The following PPFIBP1 variants were observed in gnomAD, a reference collection of about 807,000 sequenced individuals.
The protein encoded by PPFIBP1 is PPFIB scaffold protein 1.
PPFIBP1 carries 112 observed loss-of-function variants against 137.8 expected under a neutral mutation model. The ratio of observed to expected loss-of-function variants is 0.81; its 90% CI spans 0.70 to 0.95. The LOEUF is 0.95. Among genes scored for constraint, PPFIBP1 ranks in the 40% least tolerant of loss-of-function variants. The pLI, the probability that PPFIBP1 is intolerant of heterozygous loss-of-function variation, is 0.00. For synonymous variants in PPFIBP1, 378 were observed against 417.3 expected, an observed-to-expected ratio of 0.91 and a Z score of 1.15; for missense variants, 1,083 against 1,196.6, an observed-to-expected ratio of 0.91 and a Z score of 1.40.
chr12:27,534,467 A>G (rs1192769186), intron 1 of PPFIBP1, among the ~76,000 whole-genome samples: 1 of 152,242 alleles, frequency 6.6e-6, no homozygotes, highest in Non-Finnish European at 1.5e-5. Flanking sequence ...AAAGAATGAC[A>G]GAAGTCTCTC....
At chr12:27,640,428 G>A (rs180906494) in intron 4 of PPFIBP1, among the ~76,000 whole-genome samples, 13 of 152,302 alleles carry the variant, frequency 8.5e-5, no homozygotes, top group African/African-American at 3.1e-4. Flanking sequence ...AGTGAATCAC[G>A]ATATTGAATG....
intron 2 of PPFIBP1, among the ~76,000 whole-genome samples, chr12:27,620,939 G>A (rs1408241490): frequency 1.6e-4 from 24 of 152,260 alleles, no homozygotes; most frequent in Admixed American, 1.5e-3. Context: ...CGCCATCAGA[G>A]CAACAACTTT....
intron 2 of PPFIBP1, among the ~76,000 whole-genome samples, chr12:27,602,715 A>G (rs1288858563): frequency 6.6e-6 from 1 of 152,234 alleles, no homozygotes; most frequent in Non-Finnish European, 1.5e-5. Flanking sequence ...TTCTGTTTAC[A>G]TGAGCTTTTG....
In PPFIBP1 at chr12:27,664,384, G is replaced by C. The variant is rs370141265; in HGVS notation, c.929G>C (p.Arg310Pro). Residue 310 changes from arginine (R) to proline (P), a missense_variant, in exon 12 of 30, where the codon CGA becomes CCA. Arg to Pro is a moderately radical substitution (Grantham distance 103, BLOSUM62 -2). Coordinates refer to ENST00000228425, the MANE Select transcript of PPFIBP1 (RefSeq NM_003622.4). Reference sequence around the variant, plus strand: ...TAGGATCGGAAAATAGAAGATCTTCGACAGTGCCTGAACAGGTACAAGAAA... The same window carrying C: ...TAGGATCGGAAAATAGAAGATCTTCCACAGTGCCTGAACAGGTACAAGAAA... The part of the protein sequence containing the change: ...EEKDRKIEDL[R>P]QCLNRYKKMQ... The C allele has an allele frequency of 1.2e-6, 2 of 1,611,496 alleles. No individual in the cohort carries two copies. The highest frequency in any genetic ancestry group is 1.7e-5 in the Admixed American group (1 of 59,958).
rs764513546 is a variant in PPFIBP1 at position 27,646,080 on chromosome 12, G to C, written c.289G>C (p.Gly97Arg). ...QSQMTNGHLP[G>R]NGDVYQERLA... is the part of the protein sequence containing the mutation. ...TTTTCAGACAAATGGACACCTACCAGGGAACGGAGATGTGTATCAAGAAAG... is the reference window on the plus strand; with the variant it reads ...TTTTCAGACAAATGGACACCTACCACGGAACGGAGATGTGTATCAAGAAAG... The change falls in exon 5 of 30, where the codon GGG becomes CGG. Residue 97 changes from glycine (G) to arginine (R), a missense_variant. Physicochemically the swap from Gly to Arg is moderately radical, Grantham distance 125. Coordinates refer to ENST00000228425, the MANE Select transcript of PPFIBP1 (RefSeq NM_003622.4). 1.7e-5 allele frequency: 27 copies of C among 1,609,614 alleles called. No individual in the cohort carries two copies. The highest frequency in any genetic ancestry group is 2.3e-5 in the Non-Finnish European group (27 of 1,176,882).
At chr12:27,585,760 G>T (rs980180482) in intron 2 of PPFIBP1, among the ~76,000 whole-genome samples, 2 of 152,152 alleles carry the variant, frequency 1.3e-5, no homozygotes, top group Admixed American at 1.3e-4. Flanking sequence ...ATATAACCTG[G>T]GTCTTGAATG....
intron 1 of PPFIBP1, among the ~76,000 whole-genome samples, chr12:27,569,274 A>G (rs1054481694): frequency 1.3e-5 from 2 of 151,616 alleles, no homozygotes; most frequent in African/African-American, 4.8e-5. Flanking sequence ...CAGTATGTAT[A>G]TTTATTATAA....
At chr12:27,527,279 C>T (rs1054864793) in intron 1 of PPFIBP1, among the ~76,000 whole-genome samples, 4 of 151,522 alleles carry the variant, frequency 2.6e-5, no homozygotes, top group Admixed American at 6.6e-5. Context: ...GACAGGGTCT[C>T]GCTCTGCCGC....
At chr12:27,665,677 C>A (rs748900645) in intron 12 of PPFIBP1, among the ~76,000 whole-genome samples, 2 of 152,132 alleles carry the variant, frequency 1.3e-5, no homozygotes, top group Non-Finnish European at 2.9e-5. Context: ...GTTATTTGCT[C>A]GCAACGTAAG....
Position 27,650,036 on chromosome 12 carries a change from A to C in PPFIBP1, c.498A>C (p.Glu166Asp). The change falls in exon 7 of 30, where the codon GAA becomes GAC. Residue 166 changes from glutamate (E) to aspartate (D), a missense_variant. Glu to Asp is a conservative substitution (Grantham distance 45). Transcript: ENST00000228425. ...AGCTTCTAAGTAGGACATCCTTAGAAACTCAGAAGTTGGATCTGATGGCTG... is the reference window on the plus strand; with the variant it reads ...AGCTTCTAAGTAGGACATCCTTAGACACTCAGAAGTTGGATCTGATGGCTG... The part of the protein sequence containing the change: ...QQELLSRTSL[E>D]TQKLDLMAEI... 1 of 1,603,616 alleles carries C rather than the reference A, an allele frequency of 6.2e-7. No individual in the cohort carries two copies. Among genetic ancestry groups the C allele is most frequent in the Non-Finnish European group, 8.5e-7 (1 of 1,170,754 alleles).
chr12:27,658,681 T>C (rs373667603), intron 9 of PPFIBP1, 135 bp from the exon 10 acceptor site: 1 of 859,578 alleles, frequency 1.2e-6, no homozygotes, highest in Non-Finnish European at 1.9e-6. Flanking sequence ...AGTCACAAAA[T>C]AGTGCTGAAA....
intron 27 of PPFIBP1, among the ~76,000 whole-genome samples, chr12:27,689,528 A>G (rs1367721518): frequency 2.0e-5 from 3 of 152,164 alleles, no homozygotes; most frequent in Non-Finnish European, 4.4e-5. Flanking sequence ...GGGACAGTAC[A>G]CTCCAAAAAC....
At chr12:27,546,126 A>C (rs1023197235) in intron 1 of PPFIBP1, among the ~76,000 whole-genome samples, 2 of 152,104 alleles carry the variant, frequency 1.3e-5, no homozygotes, top group Middle Eastern at 3.2e-3. Context: ...CAAAGGGAGG[A>C]GGGAGCCAAG....
chr12:27,613,668 A>T lies in PPFIBP1; in HGVS notation c.-35-19694A>T, dbSNP rs568227625. Reference sequence around the variant, plus strand: ...CCATGAGCCCAGATCTCGCCACTGCACTCCAGCCTGGGCAACAGAGCAAGA... The same window carrying T: ...CCATGAGCCCAGATCTCGCCACTGCTCTCCAGCCTGGGCAACAGAGCAAGA... On this transcript the variant is annotated intron_variant, in intron 2 of 29. Transcript: ENST00000228425. Among the ~76,000 whole-genome samples the T allele has an allele frequency of 6.0e-5, 9 of 149,772 alleles. 1 individual carries two copies. Among genetic ancestry groups the T allele is most frequent in the African/African-American group, 2.2e-4 (9 of 40,636 alleles).
At chr12:27,559,697 A>T (rs1794591030) in intron 1 of PPFIBP1, among the ~76,000 whole-genome samples, 1 of 152,228 alleles carries the variant, frequency 6.6e-6, no homozygotes, top group Admixed American at 6.5e-5. Flanking sequence ...TCATAAGGAT[A>T]CCTGTGGTAT....
At chr12:27,612,471 T>C (rs761256471) in intron 2 of PPFIBP1, among the ~76,000 whole-genome samples, 2 of 151,756 alleles carry the variant, frequency 1.3e-5, no homozygotes. Flanking sequence ...TTGATCCTCC[T>C]GAATAGCTGG....
intron 12 of PPFIBP1, 22 bp downstream of exon 12, chr12:27,664,468 T>TA (rs771806584): frequency 6.5e-7 from 1 of 1,538,224 alleles, no homozygotes; most frequent in Non-Finnish European, 8.8e-7. Context: ...CTCTAAAAGT[T>TA]TTTCTACTTT....
intron 12 of PPFIBP1, 81 bp downstream of exon 12, chr12:27,664,527 T>C: frequency 1.1e-6 from 1 of 927,670 alleles, no homozygotes; most frequent in East Asian, 2.6e-5. Flanking sequence ...TCAATTTCTT[T>C]CCTGGATCAT....
At chr12:27,644,930 C>T (rs1236990650) in intron 4 of PPFIBP1, among the ~76,000 whole-genome samples, 1 of 151,182 alleles carries the variant, frequency 6.6e-6, no homozygotes, top group African/African-American at 2.4e-5. Flanking sequence ...TTTTCTTCCC[C>T]CTTCCCAGCA....
Sources: gnomAD v4.1 joint callset for allele counts (sites outside exome capture counted in the v4.1 genomes callset) on GRCh38, gnomAD v4.1.1 for gene constraint, MANE v1.5 for transcripts, NCBI Gene and HGNC (gene_info 2026-07-23, HGNC 2026-07-21) for gene names.